Variants in TRIM46 observed in about 807,000 individuals in gnomAD.
The protein encoded by TRIM46 is tripartite motif-containing protein 46.
A neutral mutation model predicts 69.7 loss-of-function variants in TRIM46; 17 were observed. The observed-to-expected ratio is 0.24, with a 90% confidence interval of 0.17 to 0.37. TRIM46 has a LOEUF of 0.37. TRIM46 is among the 10% of genes least tolerant of loss of function. TRIM46 has a pLI of 1.00. For synonymous variants in TRIM46, 391 were observed against 429.0 expected (o/e 0.91, Z 1.09); for missense variants, 675 against 1,025.1 (o/e 0.66, Z 4.66).
In TRIM46 at chr1:155,175,624, G is replaced by A. The variant is rs966744650; in HGVS notation, c.302G>A (p.Arg101His). The change falls in exon 2 of 10, where the codon CGC (arginine) becomes CAC (histidine). Residue 101 changes from arginine to histidine, a missense_variant. By Grantham distance (29) the Arg-to-His change is conservative. Coordinates refer to ENST00000334634, the MANE Select transcript of TRIM46 (RefSeq NM_025058.5). This position sits in a 1 kb window ranked among gnomAD's most constrained non-coding sequence, Gnocchi z 4.2. Reference protein sequence around the residue: ...LSRRTLPKPDRLDRLLKSGFG... With the variant: ...LSRRTLPKPDHLDRLLKSGFG... ...CGCAGAACTCTCCCCAAGCCAGACC[G>A]CCTGGACCGGCTGCTTAAGTCAGGT... 2.5e-6 allele frequency: 4 copies of A among 1,613,752 alleles called. No individual in the cohort carries two copies. The highest frequency in any genetic ancestry group is 2.2e-5 in the South Asian group (2 of 91,076).
intron 8 of TRIM46, chr1:155,180,466 G>A (rs991523694): frequency 1.4e-5 from 6 of 430,700 alleles, no homozygotes; most frequent in South Asian, 5.1e-5. Flanking sequence ...GTGGTGGTGC[G>A]TGCCTACAAT....
chr1:155,176,296 T>C, intron 3 of TRIM46, 65 bp downstream of exon 3: 1 of 1,448,514 alleles, frequency 6.9e-7, no homozygotes. Context: ...TGGGGGTGCC[T>C]GGCATTGTGG....
chr1:155,177,015 G>T lies in TRIM46; in HGVS notation c.753G>T (p.Val251=). 1 of 1,614,232 alleles carries T rather than the reference G, an allele frequency of 6.2e-7. No homozygotes were observed. Among genetic ancestry groups the T allele is most frequent in the Non-Finnish European group, 8.5e-7 (1 of 1,180,024 alleles). ...GCCTGGTATGTCAACTCTGCCGGGT[G>T]CGGCGCACCCACAGCGGGCACAAGA... The part of the protein sequence containing the change: ...CQRLVCQLCR[V]RRTHSGHKIT... Residue 251 remains valine (V), a synonymous_variant, in exon 4 of 10, where the codon GTG becomes GTT. Coordinates refer to ENST00000334634, the MANE Select transcript of TRIM46 (RefSeq NM_025058.5).
Position 155,174,613 on chromosome 1 carries a change from C to A in TRIM46, c.63+584C>A, listed in dbSNP as rs774619198. 6 of 1,528,944 alleles carry A rather than the reference C, an allele frequency of 3.9e-6. No individual in the cohort carries two copies. The South Asian group carries it at 4.8e-5, about 12-fold the overall frequency. The allele number at this position is 1,528,944 out of a possible 1,614,324, so 94.7% of individuals were successfully genotyped here. A position where few individuals can be genotyped will look rare whatever the true frequency, so the allele number is the denominator to read the frequency against. On this transcript the variant is annotated intron_variant, in intron 1 of 9. Transcript: ENST00000334634. Reference sequence around the variant, plus strand: ...TCCTTTGTGTCAGCTGCGCCCCTGACCGGGATGGCTGCGAAGAGAGGGACC... The same window carrying A: ...TCCTTTGTGTCAGCTGCGCCCCTGAACGGGATGGCTGCGAAGAGAGGGACC...
rs1666388259 is a variant in TRIM46, at chr1:155,184,262, G to T, written c.*72G>T. On this transcript the variant is annotated 3_prime_UTR_variant, in exon 10 of 10. Transcript: ENST00000334634. This position sits in a 1 kb window ranked among gnomAD's most constrained non-coding sequence, Gnocchi z 5.6. ...CCCCCAAACCTCTTGGCACCCGGTT[G>T]TTACCCCCTGGCAGCTTCTCCCCCA... 3 of 1,446,292 alleles carry T rather than the reference G, an allele frequency of 2.1e-6. No homozygotes were observed. The highest frequency in any genetic ancestry group is 1.8e-6 in the Non-Finnish European group (2 of 1,095,224). The allele number at this position is 1,446,292 out of a possible 1,614,324, so 89.6% of individuals were successfully genotyped here.
chr1:155,174,197 G>A (rs571075592), intron 1 of TRIM46, among the ~76,000 whole-genome samples, 168 bp downstream of exon 1: 4 of 152,248 alleles, frequency 2.6e-5, no homozygotes, highest in African/African-American at 7.2e-5. Flanking sequence ...GGGTAATCCC[G>A]GGAGCAGCCC....
chr1:155,176,200 C>T lies in TRIM46; in HGVS notation c.638C>T (p.Pro213Leu), dbSNP rs2147779789. The change falls in exon 3 of 10, where the codon CCC (proline) becomes CTC (leucine). Residue 213 changes from proline to leucine, a missense_variant. By Grantham distance (98) the Pro-to-Leu change is moderately conservative. Around this residue, in one of 5 missense-constraint regions of TRIM46, gnomAD observed 361 missense variants for 498.3 expected, o/e 0.72. Coordinates refer to ENST00000334634, the MANE Select transcript of TRIM46 (RefSeq NM_025058.5). Reference sequence around the variant, plus strand: ...GGCACCCAGAAGGCCCAGCATGAGCCCACCCTGCCTACCCTCTCCTTCCGA... The same window carrying T: ...GGCACCCAGAAGGCCCAGCATGAGCTCACCCTGCCTACCCTCTCCTTCCGA... ...PWGTQKAQHE[P>L]TLPTLSFRPK... 1 of 1,609,820 alleles carries T rather than the reference C, an allele frequency of 6.2e-7. No individual in the cohort carries two copies. Among genetic ancestry groups the T allele is most frequent in the African/African-American group, 1.3e-5 (1 of 75,036 alleles).
Position 155,183,949 on chromosome 1 carries a change from C to T in TRIM46, c.2039C>T (p.Thr680Ile). 1.9e-6 allele frequency: 3 copies of T among 1,613,934 alleles called. No individual in the cohort carries two copies. Among genetic ancestry groups the T allele is most frequent in the Non-Finnish European group, 2.5e-6 (3 of 1,180,032 alleles). Residue 680 changes from threonine to isoleucine, a missense_variant, in exon 10 of 10, where the codon ACA becomes ATA. By Grantham distance (89) the Thr-to-Ile change is moderately conservative (BLOSUM62 -1). Coordinates refer to ENST00000334634, the MANE Select transcript of TRIM46 (RefSeq NM_025058.5). ...NAGLTGRDGP[T>I]AGCTVPLPPR... ...GGGCTGACAGGGAGGGATGGCCCCA[C>T]AGCCGGCTGCACAGTGCCCCTGCCA...
Position 155,175,663 on chromosome 1 carries a change from G to A in TRIM46, c.325+16G>A, listed in dbSNP as rs1232872938. The A allele has an allele frequency of 1.2e-6, 2 of 1,613,284 alleles. No individual in the cohort carries two copies. Among genetic ancestry groups the A allele is most frequent in the Admixed American group, 3.3e-5 (2 of 60,006 alleles). On this transcript the variant is annotated intron_variant, in intron 2 of 9. Coordinates refer to ENST00000334634, the MANE Select transcript of TRIM46 (RefSeq NM_025058.5). The surrounding 1 kb of genome is among the most constrained non-coding windows in gnomAD (Gnocchi z 4.2). ...CTTAAGTCAGGTGGGACTGGGGCCTGTAGGGTGGGGATGGGAACGCTGAGC... is the reference window on the plus strand; with the variant it reads ...CTTAAGTCAGGTGGGACTGGGGCCTATAGGGTGGGGATGGGAACGCTGAGC...
In TRIM46 at chr1:155,184,447, C is replaced by T; in HGVS notation, c.*257C>T. On this transcript the variant is annotated 3_prime_UTR_variant, in exon 10 of 10. Coordinates refer to ENST00000334634, the MANE Select transcript of TRIM46 (RefSeq NM_025058.5). This position sits in a 1 kb window ranked among gnomAD's most constrained non-coding sequence, Gnocchi z 5.6. ...ACCCCCACTGAGTCTGCCCTATGACCTGCCTTTGGCATGTTACCCAAGCCA... is the reference window on the plus strand; with the variant it reads ...ACCCCCACTGAGTCTGCCCTATGACTTGCCTTTGGCATGTTACCCAAGCCA... The T allele has an allele frequency of 4.1e-6, 2 of 492,498 alleles. No homozygotes were observed. Among genetic ancestry groups the T allele is most frequent in the Non-Finnish European group, 3.6e-6 (1 of 278,796 alleles). 30.5% of individuals were successfully genotyped at this position (492,498 alleles called of 1,614,324 possible).
Position 155,179,754 on chromosome 1 carries a change from G to T in TRIM46, c.1408G>T (p.Asp470Tyr). 6.2e-7 allele frequency: 1 copy of T among 1,613,326 alleles called. No individual in the cohort carries two copies. The change falls in exon 8 of 10, where the codon GAT (aspartate) becomes TAT (tyrosine). Residue 470 changes from aspartate (D) to tyrosine (Y), a missense_variant. Transcript: ENST00000334634. Reference sequence around the variant, plus strand: ...CTATACCGTTGAGTTCCGGCGCACGGATGTGCCTGCTCAGCCAGGCCCCAC... The same window carrying T: ...CTATACCGTTGAGTTCCGGCGCACGTATGTGCCTGCTCAGCCAGGCCCCAC... Reference protein sequence around the residue: ...WHYTVEFRRTDVPAQPGPTRW... With the variant: ...WHYTVEFRRTYVPAQPGPTRW...
Position 155,178,184 on chromosome 1 carries a change from C to T in TRIM46, c.1092C>T (p.Gly364=). 1 of 1,613,886 alleles carries T rather than the reference C, an allele frequency of 6.2e-7. No homozygotes were observed. The change falls in exon 6 of 10, where the codon GGC becomes GGT. Residue 364 remains glycine, a synonymous_variant. Coordinates refer to ENST00000334634, the MANE Select transcript of TRIM46 (RefSeq NM_025058.5). The part of the protein sequence containing the change: ...RSLLDGSGLV[G]YAQEVLKETD... The stretch of plus-strand genomic sequence containing the variant: ...TGCTGGATGGCTCAGGTCTGGTGGG[C>T]TATGCCCAGGAAGTACTTAAGGAAA...
intron 8 of TRIM46, 35 bp downstream of exon 8, chr1:155,179,969 C>T: frequency 6.5e-7 from 1 of 1,547,714 alleles, no homozygotes. Flanking sequence ...GTGCAAAGGG[C>T]ATGGGGTATG....
At chr1:155,176,865 G>C (rs1250202892) in intron 3 of TRIM46, 67 bp from the exon 4 acceptor site, 2 of 1,575,820 alleles carry the variant, frequency 1.3e-6, no homozygotes, top group Non-Finnish European at 1.7e-6. Context: ...CCAAACTGCT[G>C]TAGTGGTAGC....
rs745386796 is a variant in TRIM46, at chr1:155,179,735, C to T, written c.1389C>T (p.Thr463=). 1.9e-5 allele frequency: 30 copies of T among 1,613,302 alleles called. No homozygotes were observed. In the Admixed American group the frequency reaches 2.5e-4, roughly 13 times the overall value. Reference sequence around the variant, plus strand: ...ATTCACCACCTGCCTGGCACTATACCGTTGAGTTCCGGCGCACGGATGTGC... The same window carrying T: ...ATTCACCACCTGCCTGGCACTATACTGTTGAGTTCCGGCGCACGGATGTGC... ...PPHSPPAWHY[T]VEFRRTDVPA... Residue 463 remains threonine, a synonymous_variant, in exon 8 of 10, where the codon ACC becomes ACT. Coordinates refer to ENST00000334634, the MANE Select transcript of TRIM46 (RefSeq NM_025058.5).
At chr1:155,183,081 T>G (rs1359123883) in intron 9 of TRIM46, among the ~76,000 whole-genome samples, 1 of 151,876 alleles carries the variant, frequency 6.6e-6, no homozygotes, top group Non-Finnish European at 1.5e-5. Context: ...CAGCTAATTT[T>G]TTGTATTTTT....
chr1:155,177,726 G>A (rs1057027935), intron 5 of TRIM46, among the ~76,000 whole-genome samples: 5 of 152,200 alleles, frequency 3.3e-5, no homozygotes, highest in Admixed American at 3.3e-4. Context: ...GTGGACATTA[G>A]GGTAGCCATG....
At position 155,183,908 on chromosome 1, in the gene TRIM46, G is replaced by T; in HGVS notation, c.1998G>T (p.Gly666=). ...TGGGCAAGATCCTGCTGGGGTCGGG[G>T]GCAAGCTCAAACGCAGGGCTGACAG... ...IGMGKILLGS[G]ASSNAGLTGR... The change falls in exon 10 of 10, where the codon GGG becomes GGT. Residue 666 remains glycine, a synonymous_variant. Coordinates refer to ENST00000334634, the MANE Select transcript of TRIM46 (RefSeq NM_025058.5). The T allele has an allele frequency of 1.2e-6, 2 of 1,613,762 alleles. No individual in the cohort carries two copies. The highest frequency in any genetic ancestry group is 1.7e-6 in the Non-Finnish European group (2 of 1,180,044).
At chr1:155,177,121 C>A (rs774331573) in intron 4 of TRIM46, 46 bp downstream of exon 4, 44 of 1,613,748 alleles carry the variant, frequency 2.7e-5, no homozygotes, top group Non-Finnish European at 3.3e-5. Context: ...CACACTCTTA[C>A]CCTCTTGCAC....
Sources: allele counts gnomAD v4.1 joint callset (sites outside exome capture counted in the v4.1 genomes callset), GRCh38; gene constraint gnomAD v4.1.1; regional missense constraint gnomAD v4.1.1; non-coding constraint Gnocchi (gnomAD v3.1); transcripts MANE v1.5; gene names NCBI Gene and HGNC (gene_info 2026-07-23, HGNC 2026-07-21).